The following NCAM1 variants were observed in gnomAD, a reference collection of about 807,000 sequenced individuals.
The protein encoded by NCAM1 is neural cell adhesion molecule 1, also known as antigen recognized by monoclonal antibody 5.1H11.
Under a neutral mutation model 109.8 loss-of-function variants are expected in NCAM1, and 14 were observed. The ratio of observed to expected loss-of-function variants is 0.13; its 90% CI spans 0.08 to 0.20. The LOEUF is 0.20. NCAM1 is among the 10% of genes least tolerant of loss of function. The pLI is 1.00. For synonymous variants in NCAM1, 418 were observed against 442.9 expected (o/e 0.94, Z 0.70); for missense variants, 774 against 1,109.9 (o/e 0.70, Z 4.30).
At chr11:113,214,764 C>T (rs546316210) in intron 8 of NCAM1, among the ~76,000 whole-genome samples, 33 of 152,196 alleles carry the variant, frequency 2.2e-4, no homozygotes, top group Admixed American at 6.5e-4. Flanking sequence ...GTTAGATGTT[C>T]TGGGGAGGAG....
chr11:113,259,075 G>A (rs1203248462), intron 16 of NCAM1, among the ~76,000 whole-genome samples: 5 of 143,342 alleles, frequency 3.5e-5, no homozygotes, highest in Non-Finnish European at 6.0e-5. Context: ...TTTTTGAGAC[G>A]GAGTCTCGCT....
chr11:113,037,645 C>G (rs1398804588), intron 1 of NCAM1, among the ~76,000 whole-genome samples: 1 of 152,242 alleles, frequency 6.6e-6, no homozygotes, highest in East Asian at 1.9e-4. Context: ...GACTTACAGC[C>G]TTACGGTCAG....
intron 1 of NCAM1, among the ~76,000 whole-genome samples, chr11:113,072,805 T>A (rs1194729468): frequency 7.3e-6 from 1 of 136,622 alleles, no homozygotes; most frequent in African/African-American, 2.8e-5. Flanking sequence ...GATTTCTAAG[T>A]ATTTTACATT....
At chr11:113,180,275 T>C (rs1943291589) in intron 1 of NCAM1, among the ~76,000 whole-genome samples, 1 of 152,218 alleles carries the variant, frequency 6.6e-6, no homozygotes, top group African/African-American at 2.4e-5. Flanking sequence ...TATAGTATTA[T>C]CCTGCTTATT....
intron 1 of NCAM1, among the ~76,000 whole-genome samples, chr11:113,176,586 C>A (rs1190722950): frequency 1.3e-5 from 2 of 152,254 alleles, no homozygotes; most frequent in African/African-American, 4.8e-5. Flanking sequence ...CAGAGAACAC[C>A]CACTAGCCTG....
chr11:113,077,887 A>T (rs1308940668), intron 1 of NCAM1, among the ~76,000 whole-genome samples: 1 of 152,026 alleles, frequency 6.6e-6, no homozygotes, highest in African/African-American at 2.4e-5. Context: ...GGGTTTCATC[A>T]TGTTAGTCAG....
chr11:113,263,471 G>A (rs150440580), intron 17 of NCAM1: 2 of 985,748 alleles, frequency 2.0e-6, no homozygotes, highest in Non-Finnish European at 2.4e-6. Context: ...TTGCTGACAT[G>A]ATGGGCAACT....
In NCAM1 at chr11:113,232,199, G is replaced by C; in HGVS notation, c.1270G>C (p.Val424Leu). The stretch of plus-strand genomic sequence containing the variant: ...CCCAAAGCTACAGGGCCCTGTGGCT[G>C]TGTACACTTGGGAGGGGAACCAGGT... ...YAPKLQGPVA[V>L]YTWEGNQVNI... The change falls in exon 11 of 20, where the codon GTG (valine) becomes CTG (leucine). Residue 424 changes from valine to leucine, a missense_variant. Around this residue, in one of 4 missense-constraint regions of NCAM1, gnomAD observed 523 missense variants for 784.2 expected, o/e 0.67. Transcript: ENST00000316851. 6.2e-7 allele frequency: 1 copy of C among 1,611,160 alleles called. No individual in the cohort carries two copies. The highest frequency in any genetic ancestry group is 8.5e-7 in the Non-Finnish European group (1 of 1,178,724).
chr11:113,177,723 C>T (rs895027453), intron 1 of NCAM1, among the ~76,000 whole-genome samples: 2 of 152,122 alleles, frequency 1.3e-5, no homozygotes, highest in South Asian at 2.1e-4. Flanking sequence ...CATGAGGCAC[C>T]GCACCTGGCA....
At chr11:113,232,671 A>C (rs782255649) in intron 11 of NCAM1, 47 bp from the exon 12 acceptor site, 2 of 1,418,496 alleles carry the variant, frequency 1.4e-6, no homozygotes, top group Admixed American at 3.4e-5. Context: ...TGAGTCTGTG[A>C]CCATCCCATA....
At chr11:113,140,818 A>G (rs1415898439) in intron 1 of NCAM1, among the ~76,000 whole-genome samples, 1 of 152,220 alleles carries the variant, frequency 6.6e-6, no homozygotes, top group Admixed American at 6.5e-5. Context: ...GTCATTAGCT[A>G]ATACCTCAAG....
chr11:113,031,548 C>T (rs1012727528), intron 1 of NCAM1, among the ~76,000 whole-genome samples: 12 of 151,970 alleles, frequency 7.9e-5, no homozygotes, highest in Non-Finnish European at 1.5e-4. Context: ...AAAATTTAGC[C>T]GGGCGTGGTG....
chr11:113,260,289 G>C lies in NCAM1; in HGVS notation c.2097G>C (p.Val699=). Residue 699 remains valine, a synonymous_variant, in exon 17 of 20, where the codon GTG becomes GTC. Coordinates refer to ENST00000316851, the MANE Select transcript of NCAM1 (RefSeq NM_181351.5). ...GAAAATCCAAGGCGGCTCATTTTGT[G>C]TTCAGGACCTCGGCCCAGCCCACAG... ...QQGKSKAAHF[V]FRTSAQPTAI... 6.2e-7 allele frequency: 1 copy of C among 1,613,880 alleles called. No individual in the cohort carries two copies. Among genetic ancestry groups the C allele is most frequent in the African/African-American group, 1.3e-5 (1 of 75,042 alleles).
intron 1 of NCAM1, among the ~76,000 whole-genome samples, chr11:113,196,610 T>G (rs1943861936): frequency 6.6e-6 from 1 of 152,210 alleles, no homozygotes; most frequent in Non-Finnish European, 1.5e-5. Context: ...CAAAGCCCCA[T>G]GAGGATGGTT....
In NCAM1 at chr11:113,040,301, C is replaced by A. The variant is rs1953031036; in HGVS notation, c.52+78637C>A. On this transcript the variant is annotated intron_variant, in intron 1 of 19. Coordinates refer to ENST00000316851, the MANE Select transcript of NCAM1 (RefSeq NM_181351.5). ...TCCAAGTGTACCCTGGTCGCAAATG[C>A]ATGGTGGCTGCCATATTGGACAGCA... Among the ~76,000 whole-genome samples the A allele has an allele frequency of 2.0e-5, 3 of 152,208 alleles. No homozygotes were observed. The South Asian group carries it at 6.2e-4, about 32-fold the overall frequency.
chr11:113,198,319 G>A (rs1435869138), intron 1 of NCAM1, among the ~76,000 whole-genome samples: 1 of 152,082 alleles, frequency 6.6e-6, no homozygotes, highest in Non-Finnish European at 1.5e-5. Context: ...TATGAGCAAA[G>A]AGGCCAGTTA....
At chr11:112,966,587 G>A (rs903988074) in intron 1 of NCAM1, among the ~76,000 whole-genome samples, 1 of 152,240 alleles carries the variant, frequency 6.6e-6, no homozygotes, top group South Asian at 2.1e-4. Context: ...AGCCTCTTTT[G>A]TTATTAACTC....
At position 113,231,453 on chromosome 11, in the gene NCAM1, C is replaced by T. The variant is rs1270534492; in HGVS notation, c.1090-192C>T. 4 of 891,598 alleles carry T rather than the reference C, an allele frequency of 4.5e-6. No individual in the cohort carries two copies. The Admixed American group carries it at 9.8e-5, about 22-fold the overall frequency. The allele number at this position is 891,598 out of a possible 1,614,324, so 55.2% of individuals were successfully genotyped here. A position where few individuals can be genotyped will look rare whatever the true frequency, so the allele number is the denominator to read the frequency against. ...TTTCGGATACTCCCAGGTTCTCATG[C>T]TGCTTCCCAGTGCCTCCCCCATTAG... On this transcript the variant is annotated intron_variant, in intron 9 of 19. Coordinates refer to ENST00000316851, the MANE Select transcript of NCAM1 (RefSeq NM_181351.5).
chr11:113,124,710 C>A (rs10502168), intron 1 of NCAM1, among the ~76,000 whole-genome samples: 13,048 of 152,200 alleles, frequency 0.086, 738 homozygotes, highest in East Asian at 0.12. Context: ...AGGTATAATA[C>A]GTCAAGGAAA....
Sources: gnomAD v4.1 joint callset for allele counts (sites outside exome capture counted in the v4.1 genomes callset) on GRCh38, gnomAD v4.1.1 for gene constraint, gnomAD v4.1.1 regional missense constraint, MANE v1.5 for transcripts, NCBI Gene and HGNC (gene_info 2026-07-23, HGNC 2026-07-21) for gene names.